THAP4: variants seen among roughly 807,000 people sequenced by gnomAD.
THAP4 encodes the protein peroxynitrite isomerase THAP4.
THAP4 carries 18 observed loss-of-function variants against 48.1 expected under a neutral mutation model. The ratio of observed to expected loss-of-function variants is 0.37; its 90% CI spans 0.26 to 0.56. The LOEUF is 0.56. Among genes scored for constraint, THAP4 ranks in the 20% least tolerant of loss-of-function variants. THAP4 has a pLI of 0.78. For synonymous variants in THAP4, 345 were observed against 324.9 expected, an observed-to-expected ratio of 1.06 and a Z score of -0.66; for missense variants, 656 against 774.9, an observed-to-expected ratio of 0.85 and a Z score of 1.82.
At position 241,633,893 on chromosome 2, in the gene THAP4, G is replaced by T; in HGVS notation, c.264C>A (p.Thr88=). The part of the protein sequence containing the change: ...PTAVPSIFHL[T]EKKRGAGGHG... ...GGCCTCCAGCCCCCCTCTTCTTCTCGGTCAGGTGGAAGATGGATGGCACGG... is the reference window on the plus strand; with the variant it reads ...GGCCTCCAGCCCCCCTCTTCTTCTCTGTCAGGTGGAAGATGGATGGCACGG... Residue 88 remains threonine, a synonymous_variant, in exon 2 of 6, where the codon ACC becomes ACA. Coordinates refer to ENST00000407315, the MANE Select transcript of THAP4 (RefSeq NM_015963.6). The surrounding 1 kb of genome is among the most constrained non-coding windows in gnomAD (Gnocchi z 7.5). 6.2e-7 allele frequency: 1 copy of T among 1,613,968 alleles called. No individual in the cohort carries two copies. The highest frequency in any genetic ancestry group is 8.5e-7 in the Non-Finnish European group (1 of 1,179,962).
intron 2 of THAP4, among the ~76,000 whole-genome samples, chr2:241,608,990 G>A (rs1172556088): frequency 6.6e-6 from 1 of 152,234 alleles, no homozygotes; most frequent in Non-Finnish European, 1.5e-5. Flanking sequence ...AGTGTGGCCA[G>A]GGGAAGGAGA....
chr2:241,601,948 G>T lies in THAP4; in HGVS notation c.1562C>A (p.Ala521Glu). The T allele has an allele frequency of 6.2e-7, 1 of 1,613,110 alleles. No homozygotes were observed. The highest frequency in any genetic ancestry group is 1.9e-4 in the Middle Eastern group (1 of 5,298). Residue 521 changes from alanine to glutamate, a missense_variant, in exon 5 of 6, where the codon GCA becomes GAA. By Grantham distance (107) the Ala-to-Glu change is moderately radical (BLOSUM62 -1). Coordinates refer to ENST00000407315, the MANE Select transcript of THAP4 (RefSeq NM_015963.6). The surrounding 1 kb of genome is among the most constrained non-coding windows in gnomAD (Gnocchi z 4.0). ...GGAGATCCTGGCGATGGAGTGGGATGCGATGCACAGCTCCTGCCCGTTCAC... is the reference window on the plus strand; with the variant it reads ...GGAGATCCTGGCGATGGAGTGGGATTCGATGCACAGCTCCTGCCCGTTCAC... ...GEVNGQELCIASHSIARISFA... is the reference protein window; with the variant it reads ...GEVNGQELCIESHSIARISFA...
At chr2:241,634,139 C>A in intron 1 of THAP4, 60 bp from the exon 2 acceptor site, 4 of 1,350,930 alleles carry the variant, frequency 3.0e-6, no homozygotes, top group African/African-American at 1.5e-5. Context: ...TTAAAATAAT[C>A]AACTGTAAAA....
chr2:241,584,991 C>T lies in THAP4; in HGVS notation c.1615-266G>A, dbSNP rs146373156. ...TTGTCGACGGCCATACCACCCTGAA[C>T]GCACCTGATCTCGTCTGACCTCGGA... On this transcript the variant is annotated intron_variant, in intron 5 of 5. Coordinates refer to ENST00000407315, the MANE Select transcript of THAP4 (RefSeq NM_015963.6). 196 of 433,740 alleles carry T rather than the reference C, an allele frequency of 4.5e-4. No individual in the cohort carries two copies. In the East Asian group the frequency reaches 6.6e-3, roughly 15 times the overall value. 26.9% of individuals were successfully genotyped at this position (433,740 alleles called of 1,614,324 possible). A position where few individuals can be genotyped will look rare whatever the true frequency, so the allele number is the denominator to read the frequency against.
intron 1 of THAP4, among the ~76,000 whole-genome samples, chr2:241,634,872 CTGAA>C (rs1290309215): frequency 6.6e-6 from 1 of 152,180 alleles, no homozygotes. Flanking sequence ...GGACATTATA[CTGAA>C]TGAAATAGGG....
At position 241,633,774 on chromosome 2, in the gene THAP4, G is replaced by C. The variant is rs752382226; in HGVS notation, c.383C>G (p.Ser128Ter). ...AATSRGAAGW[S>*]PSSSGNPMAK... ...CATCGGGTTTCCACTCGAGGACGGTGACCAACCTGCAGCTCCTCTGCTGGT... is the reference window on the plus strand; with the variant it reads ...CATCGGGTTTCCACTCGAGGACGGTCACCAACCTGCAGCTCCTCTGCTGGT... The change falls in exon 2 of 6, where the codon TCA (serine) becomes TGA (stop). Residue 128 changes from serine (S) to a stop codon, truncating the protein, a stop_gained. Transcript: ENST00000407315. LOFTEE classifies it high-confidence loss of function. The surrounding 1 kb of genome is among the most constrained non-coding windows in gnomAD (Gnocchi z 7.5). 4.3e-6 allele frequency: 7 copies of C among 1,613,362 alleles called. No homozygotes were observed. Among genetic ancestry groups the C allele is most frequent in the Non-Finnish European group, 5.9e-6 (7 of 1,179,560 alleles).
rs2067291611 is a variant in THAP4, at chr2:241,612,718, T to C, written c.1241-6245A>G. On this transcript the variant is annotated intron_variant, in intron 2 of 5. Coordinates refer to ENST00000407315, the MANE Select transcript of THAP4 (RefSeq NM_015963.6). The surrounding 1 kb of genome is among the most constrained non-coding windows in gnomAD (Gnocchi z 4.1). ...CTGTGAAAGGTGCAGAACACACACA[T>C]CTACAGAGACAGAACGTGGGTCAGT... Among the ~76,000 whole-genome samples the C allele has an allele frequency of 6.6e-6, 1 of 152,140 alleles. No individual in the cohort carries two copies. Among genetic ancestry groups the C allele is most frequent in the Admixed American group, 6.5e-5 (1 of 15,276 alleles).
At chr2:241,609,413 A>G (rs753257826) in intron 2 of THAP4, among the ~76,000 whole-genome samples, 29 of 152,250 alleles carry the variant, frequency 1.9e-4, no homozygotes, top group Admixed American at 1.7e-3. Flanking sequence ...AACAAACACC[A>G]TAATTTCTCA....
intron 5 of THAP4, among the ~76,000 whole-genome samples, chr2:241,591,292 G>A (rs972604709): frequency 1.3e-5 from 2 of 152,130 alleles, no homozygotes; most frequent in Non-Finnish European, 2.9e-5. Context: ...AAACCAGGCC[G>A]GGGGCTTGAG....
chr2:241,626,890 T>C (rs938223419), intron 2 of THAP4, among the ~76,000 whole-genome samples: 4 of 152,206 alleles, frequency 2.6e-5, no homozygotes, highest in African/African-American at 9.7e-5. Context: ...CAACTTTATA[T>C]TGTGAAAAAT....
intron 1 of THAP4, among the ~76,000 whole-genome samples, chr2:241,636,596 C>T (rs2067662630): frequency 6.6e-6 from 1 of 152,236 alleles, no homozygotes; most frequent in African/African-American, 2.4e-5. Context: ...ACATCCAGGC[C>T]GACGGCCCGC....
chr2:241,619,813 GGTGA>G (rs1375486903), intron 2 of THAP4, among the ~76,000 whole-genome samples: 1 of 134,876 alleles, frequency 7.4e-6, no homozygotes, highest in Non-Finnish European at 1.6e-5. Context: ...GTGAGTGAGG[GGTGA>G]GTGAGTTGTG....
In THAP4 at chr2:241,632,958, A is replaced by G; in HGVS notation, c.1199T>C (p.Val400Ala). ...LQEKLDELRR[V>A]SVPYPSSLLS... ...CAGGCTACTTGGATAGGGGACGCTCACTCTCCTCAGCTCATCCAGCTTCTC... is the reference window on the plus strand; with the variant it reads ...CAGGCTACTTGGATAGGGGACGCTCGCTCTCCTCAGCTCATCCAGCTTCTC... Residue 400 changes from valine (V) to alanine (A), a missense_variant, in exon 2 of 6, where the codon GTG becomes GCG. Around this residue, in one of 4 missense-constraint regions of THAP4, gnomAD observed 176 missense variants for 256.7 expected, o/e 0.69. Coordinates refer to ENST00000407315, the MANE Select transcript of THAP4 (RefSeq NM_015963.6). 3.1e-6 allele frequency: 5 copies of G among 1,612,080 alleles called. No homozygotes were observed. The highest frequency in any genetic ancestry group is 4.2e-6 in the Non-Finnish European group (5 of 1,179,166).
chr2:241,620,325 C>G (rs1575034436), intron 2 of THAP4, among the ~76,000 whole-genome samples: 1 of 39,508 alleles, frequency 2.5e-5, no homozygotes, highest in Non-Finnish European at 4.5e-5. Flanking sequence ...GTGAGTGAGT[C>G]GGTGAGTGAG....
At chr2:241,602,304 G>C (rs1052865099) in intron 4 of THAP4, 1 of 400,160 alleles carries the variant, frequency 2.5e-6, no homozygotes, top group African/African-American at 2.0e-5. Flanking sequence ...GGCAGAAGTC[G>C]CAGGTGGGAA....
At chr2:241,603,214 C>T (rs2067140434) in intron 3 of THAP4, 135 bp from the exon 4 acceptor site, 1 of 672,802 alleles carries the variant, frequency 1.5e-6, no homozygotes, top group South Asian at 1.7e-5. Flanking sequence ...CTGCCCCTAC[C>T]ACCACCTTGC....
At chr2:241,593,869 T>A (rs896179326) in intron 5 of THAP4, among the ~76,000 whole-genome samples, 1 of 152,136 alleles carries the variant, frequency 6.6e-6, no homozygotes, top group African/African-American at 2.4e-5. Flanking sequence ...GTATTTTTTG[T>A]GAAACCAGGT....
rs1465800168 is a variant in THAP4, at chr2:241,616,826, G to T, written c.1241-10353C>A. Among the ~76,000 whole-genome samples the T allele has an allele frequency of 6.6e-6, 1 of 152,012 alleles. No homozygotes were observed. The highest frequency in any genetic ancestry group is 1.5e-5 in the Non-Finnish European group (1 of 68,014). Reference sequence around the variant, plus strand: ...ATACTTCCCTTCCTGTCGCCCTCCTGGCTTGCTGTTATTTGCTCTGAATCT... The same window carrying T: ...ATACTTCCCTTCCTGTCGCCCTCCTTGCTTGCTGTTATTTGCTCTGAATCT... On this transcript the variant is annotated intron_variant, in intron 2 of 5. Coordinates refer to ENST00000407315, the MANE Select transcript of THAP4 (RefSeq NM_015963.6). This position sits in a 1 kb window ranked among gnomAD's most constrained non-coding sequence, Gnocchi z 4.6.
chr2:241,604,134 C>T (rs564483923), intron 3 of THAP4, among the ~76,000 whole-genome samples: 3 of 152,200 alleles, frequency 2.0e-5, no homozygotes, highest in East Asian at 1.9e-4. Flanking sequence ...CCAGGCTCGT[C>T]GCGGTCTCAG....
Sources: gnomAD v4.1 joint callset for allele counts (sites outside exome capture counted in the v4.1 genomes callset) on GRCh38, gnomAD v4.1.1 for gene constraint, gnomAD v4.1.1 regional missense constraint, Gnocchi (gnomAD v3.1) non-coding constraint, MANE v1.5 for transcripts, NCBI Gene and HGNC (gene_info 2026-07-23, HGNC 2026-07-21) for gene names.